The following DNAJC1 variants were observed in gnomAD, a reference collection of about 807,000 sequenced individuals.
The protein encoded by DNAJC1 is DnaJ heat shock protein family (Hsp40) member C1.
DNAJC1 carries 58 observed loss-of-function variants against 76.6 expected under a neutral mutation model. That is an observed-to-expected ratio of 0.76 (90% CI 0.61 to 0.94). The LOEUF (loss-of-function observed/expected upper bound fraction) is 0.94, where lower values mean the gene tolerates loss of function less well. DNAJC1 is among the 40% of genes least tolerant of loss of function. The pLI, the probability that DNAJC1 is intolerant of heterozygous loss-of-function variation, is 0.00. For missense variants in DNAJC1, 689 were observed against 677.3 expected (o/e 1.02, Z -0.19); for synonymous variants, 258 against 267.9 (o/e 0.96, Z 0.36).
rs953091778 is a variant in DNAJC1, at chr10:21,984,574, G to A, written c.222+18639C>T. 2.0e-5 allele frequency among the ~76,000 whole-genome samples: 3 copies of A among 152,184 alleles called. 1 individual carries two copies. Among genetic ancestry groups the A allele is most frequent in the African/African-American group, 7.2e-5 (3 of 41,440 alleles). On this transcript the variant is annotated intron_variant, in intron 1 of 11. Coordinates refer to ENST00000376980, the MANE Select transcript of DNAJC1 (RefSeq NM_022365.4). ...CTACCTGTAAAGAAGGCAGAAAAAT[G>A]TACTTTTTAAACCCCAATATCCAAT...
intron 8 of DNAJC1, among the ~76,000 whole-genome samples, chr10:21,866,342 CAA>C (rs1836002442): frequency 6.6e-6 from 1 of 151,390 alleles, no homozygotes; most frequent in African/African-American, 2.4e-5. Context: ...AAAGATGTAA[CAA>C]AATGGAAAAA....
chr10:21,837,874 G>C (rs1252517779), intron 8 of DNAJC1, among the ~76,000 whole-genome samples: 1 of 146,116 alleles, frequency 6.8e-6, no homozygotes, highest in Non-Finnish European at 1.5e-5. Flanking sequence ...AGGGAGGTGG[G>C]GGGCAGCCCC....
chr10:21,808,505 G>A (rs1834917539), intron 8 of DNAJC1, among the ~76,000 whole-genome samples: 1 of 152,014 alleles, frequency 6.6e-6, no homozygotes, highest in Admixed American at 6.6e-5. Context: ...TTTTTAAAGA[G>A]GCTCGATAGT....
intron 8 of DNAJC1, among the ~76,000 whole-genome samples, chr10:21,820,056 G>A (rs1835134543): frequency 6.6e-6 from 1 of 152,148 alleles, no homozygotes; most frequent in Non-Finnish European, 1.5e-5. Context: ...TCATCATTCT[G>A]AATAGATACT....
intron 7 of DNAJC1, among the ~76,000 whole-genome samples, chr10:21,894,436 T>C (rs1836506654): frequency 6.6e-6 from 1 of 152,118 alleles, no homozygotes; most frequent in African/African-American, 2.4e-5. Flanking sequence ...CCAGGTATGG[T>C]GGCAGGCACC....
intron 1 of DNAJC1, among the ~76,000 whole-genome samples, chr10:21,994,337 C>T (rs1387903384): frequency 1.3e-5 from 2 of 152,174 alleles, no homozygotes; most frequent in African/African-American, 2.4e-5. Flanking sequence ...CCACAATAAA[C>T]ACTTGCAAAA....
intron 11 of DNAJC1, among the ~76,000 whole-genome samples, chr10:21,758,844 T>G (rs186780510): frequency 3.3e-5 from 5 of 152,334 alleles, no homozygotes; most frequent in Non-Finnish European, 4.4e-5. Context: ...CAGCGCCGGC[T>G]GAGCCTCCCA....
intron 8 of DNAJC1, among the ~76,000 whole-genome samples, chr10:21,823,345 A>C (rs1835191210): frequency 6.6e-6 from 1 of 152,158 alleles, no homozygotes; most frequent in South Asian, 2.1e-4. Flanking sequence ...AAAAGTATAA[A>C]AACCAGTCTC....
chr10:21,916,186 G>A (rs908170287), intron 6 of DNAJC1, among the ~76,000 whole-genome samples: 2 of 151,958 alleles, frequency 1.3e-5, no homozygotes, highest in African/African-American at 4.8e-5. Flanking sequence ...TTCAATCAGT[G>A]GACTCTTATT....
chr10:21,828,473 T>C (rs1395703623), intron 8 of DNAJC1, among the ~76,000 whole-genome samples: 1 of 152,192 alleles, frequency 6.6e-6, no homozygotes, highest in Non-Finnish European at 1.5e-5. Flanking sequence ...ATGTACAGAG[T>C]TTCACCTATT....
chr10:21,789,254 A>G (rs1834651152), intron 9 of DNAJC1, among the ~76,000 whole-genome samples: 1 of 152,230 alleles, frequency 6.6e-6, no homozygotes, highest in Non-Finnish European at 1.5e-5. Context: ...AGGCAGTCAC[A>G]TTTATTACTA....
chr10:21,889,519 T>C (rs1304891797), intron 7 of DNAJC1, among the ~76,000 whole-genome samples: 1 of 152,200 alleles, frequency 6.6e-6, no homozygotes, highest in Non-Finnish European at 1.5e-5. Flanking sequence ...AAGTTATTTG[T>C]TTACTCATAT....
chr10:22,000,531 C>T (rs1838501826), intron 1 of DNAJC1, among the ~76,000 whole-genome samples: 1 of 152,258 alleles, frequency 6.6e-6, no homozygotes, highest in African/African-American at 2.4e-5. Context: ...TGCTATTCCT[C>T]AAACGCTAAG....
At chr10:21,912,375 T>C (rs1441671982) in intron 6 of DNAJC1, among the ~76,000 whole-genome samples, 1 of 152,196 alleles carries the variant, frequency 6.6e-6, no homozygotes, top group Admixed American at 6.5e-5. Flanking sequence ...TTTTATCTTT[T>C]CTACATCTAG....
At chr10:21,915,185 G>A (rs1228128203) in intron 6 of DNAJC1, among the ~76,000 whole-genome samples, 1 of 152,168 alleles carries the variant, frequency 6.6e-6, no homozygotes, top group African/African-American at 2.4e-5. Flanking sequence ...TTTTGTTTGG[G>A]AGGAAATAGA....
At chr10:21,825,259 T>C (rs530912871) in intron 8 of DNAJC1, among the ~76,000 whole-genome samples, 1 of 152,386 alleles carries the variant, frequency 6.6e-6, no homozygotes, top group Admixed American at 6.5e-5. Context: ...ATTTGCATTG[T>C]GTCTCTACAG....
At position 21,759,485 on chromosome 10, in the gene DNAJC1, C is replaced by G. The variant is rs1170030093; in HGVS notation, c.1281G>C (p.Glu427Asp). ...CGGTCTCCTGCTCACCGGAGTCTCC[C>G]TCCTGCTCCTCCTCCGCTGCCACCC... ...AEGVAAEEEQ[E>D]GDSGEQETGA... Residue 427 changes from glutamate (E) to aspartate (D), a missense_variant, in exon 11 of 12, where the codon GAG becomes GAC. Coordinates refer to ENST00000376980, the MANE Select transcript of DNAJC1 (RefSeq NM_022365.4). 1 of 1,614,226 alleles carries G rather than the reference C, an allele frequency of 6.2e-7. No homozygotes were observed. The highest frequency in any genetic ancestry group is 2.2e-5 in the East Asian group (1 of 44,878).
intron 9 of DNAJC1, among the ~76,000 whole-genome samples, chr10:21,801,011 TCTA>T (rs1015326987): frequency 2.0e-5 from 3 of 152,302 alleles, no homozygotes; most frequent in African/African-American, 7.2e-5. Context: ...TTGTCCCAGT[TCTA>T]CTAACAACTG....
intron 8 of DNAJC1, among the ~76,000 whole-genome samples, chr10:21,843,662 G>T (rs1247255251): frequency 6.6e-6 from 1 of 152,010 alleles, no homozygotes; most frequent in Non-Finnish European, 1.5e-5. Flanking sequence ...AAAGTGCTGG[G>T]ATAACAGGCG....
Sources: gnomAD v4.1 joint callset for allele counts (sites outside exome capture counted in the v4.1 genomes callset) on GRCh38, gnomAD v4.1.1 for gene constraint, MANE v1.5 for transcripts, NCBI Gene and HGNC (gene_info 2026-07-23, HGNC 2026-07-21) for gene names.